The following CORIN variants were observed in gnomAD, a reference collection of about 807,000 sequenced individuals.
The protein encoded by CORIN is atrial natriuretic peptide-converting enzyme.
Under a neutral mutation model 125.3 loss-of-function variants are expected in CORIN, and 117 were observed. That is an observed-to-expected ratio of 0.93 (90% CI 0.80 to 1.09). The LOEUF is 1.09. Ranked by LOEUF, CORIN falls within the 50% of genes least tolerant of loss-of-function variation. The pLI is 0.00. For missense variants in CORIN, 1,253 were observed against 1,306.7 expected (o/e 0.96, Z 0.63); for synonymous variants, 450 against 466.4 (o/e 0.96, Z 0.45).
chr4:47,751,513 T>C (rs1024191900), intron 4 of CORIN, among the ~76,000 whole-genome samples: 1 of 152,208 alleles, frequency 6.6e-6, no homozygotes, highest in Non-Finnish European at 1.5e-5. Context: ...CTCTAATATA[T>C]GGTAGATCTG....
At chr4:47,724,967 T>C (rs1727521119) in intron 5 of CORIN, among the ~76,000 whole-genome samples, 1 of 152,168 alleles carries the variant, frequency 6.6e-6, no homozygotes, top group African/African-American at 2.4e-5. Context: ...ACTGGAACCC[T>C]AGGAACCATC....
At chr4:47,774,096 G>A (rs1258503839) in intron 3 of CORIN, among the ~76,000 whole-genome samples, 3 of 152,064 alleles carry the variant, frequency 2.0e-5, no homozygotes, top group Non-Finnish European at 2.9e-5. Flanking sequence ...TTAAAAGTGT[G>A]ATAAAACTTG....
chr4:47,691,125 C>CAGCAGA (rs1725750280), intron 6 of CORIN, among the ~76,000 whole-genome samples: 1 of 152,170 alleles, frequency 6.6e-6, no homozygotes, highest in Non-Finnish European at 1.5e-5. Context: ...TTAACAAATG[C>CAGCAGA]AGCAGAAAGC....
intron 8 of CORIN, 194 bp downstream of exon 8, chr4:47,679,947 G>A: frequency 2.3e-6 from 1 of 436,548 alleles, no homozygotes; most frequent in East Asian, 4.0e-5. Context: ...GAGAGGTGTG[G>A]AAGTCAGATA....
At chr4:47,765,911 T>A (rs1450985326) in intron 3 of CORIN, among the ~76,000 whole-genome samples, 1 of 152,208 alleles carries the variant, frequency 6.6e-6, no homozygotes, top group Non-Finnish European at 1.5e-5. Flanking sequence ...GTACTGAAAA[T>A]ATTCTAACAC....
chr4:47,639,949 A>G (rs1723173459), intron 16 of CORIN, among the ~76,000 whole-genome samples: 1 of 152,200 alleles, frequency 6.6e-6, no homozygotes, highest in Non-Finnish European at 1.5e-5. Flanking sequence ...AAAAAGTTCA[A>G]AAACTACTAG....
intron 17 of CORIN, 68 bp from the exon 18 acceptor site, chr4:47,624,016 C>A: frequency 7.5e-7 from 1 of 1,340,114 alleles, no homozygotes; most frequent in South Asian, 1.2e-5. Context: ...AAACACTTTA[C>A]CAGTGAAATA....
chr4:47,703,513 A>T lies in CORIN; in HGVS notation c.800-10430T>A, dbSNP rs141646423. 6.6e-5 allele frequency among the ~76,000 whole-genome samples: 10 copies of T among 152,398 alleles called. No homozygotes were observed. In the East Asian group the frequency reaches 1.7e-3, roughly 26 times the overall value. ...GATAGGAAAATAAAGGTAATCTTGT[A>T]GAAAAGCAGAGATTGGTATTTAAAC... On this transcript the variant is annotated intron_variant, in intron 5 of 21. Transcript: ENST00000273857.
chr4:47,735,065 A>C lies in CORIN; in HGVS notation c.799+9337T>G, dbSNP rs1479690718. ...GAAAAAATGAAAGAAAAACTACATT[A>C]GTTGTATTTATAAAGTGGCTCTATA... On this transcript the variant is annotated intron_variant, in intron 5 of 21. Transcript: ENST00000273857. 2.6e-5 allele frequency among the ~76,000 whole-genome samples: 4 copies of C among 152,382 alleles called. No individual in the cohort carries two copies. The East Asian group carries it at 7.7e-4, about 29-fold the overall frequency.
chr4:47,715,157 G>A (rs1419809529), intron 5 of CORIN, among the ~76,000 whole-genome samples: 3 of 152,102 alleles, frequency 2.0e-5, no homozygotes, highest in African/African-American at 7.2e-5. Context: ...AAAATACTAT[G>A]GAAAAGATAA....
intron 2 of CORIN, among the ~76,000 whole-genome samples, chr4:47,788,786 G>A (rs2109920776): frequency 6.6e-6 from 1 of 152,182 alleles, no homozygotes; most frequent in East Asian, 1.9e-4. Context: ...TACTTATCTT[G>A]CTGAATCTAT....
chr4:47,640,566 G>A (rs1723196734), intron 16 of CORIN, among the ~76,000 whole-genome samples: 1 of 152,198 alleles, frequency 6.6e-6, no homozygotes, highest in African/African-American at 2.4e-5. Flanking sequence ...AAAGAGTGGT[G>A]ATGGTTGCAC....
At chr4:47,820,868 A>G (rs375967196) in intron 1 of CORIN, among the ~76,000 whole-genome samples, 2 of 152,246 alleles carry the variant, frequency 1.3e-5, no homozygotes, top group South Asian at 4.1e-4. Context: ...GATTAATGCT[A>G]TAGATTGAGT....
chr4:47,809,739 G>A (rs1731979231), intron 1 of CORIN, among the ~76,000 whole-genome samples: 1 of 152,108 alleles, frequency 6.6e-6, no homozygotes. Context: ...AGGGAGAGGA[G>A]GAAGAAATAG....
At chr4:47,803,713 G>T (rs1183336436) in intron 2 of CORIN, among the ~76,000 whole-genome samples, 1 of 152,162 alleles carries the variant, frequency 6.6e-6, no homozygotes, top group East Asian at 1.9e-4. Context: ...AATCAAAATG[G>T]ATTAAAGACT....
chr4:47,676,283 C>T (rs1210742423), intron 9 of CORIN, among the ~76,000 whole-genome samples: 1 of 152,150 alleles, frequency 6.6e-6, no homozygotes, highest in Admixed American at 6.5e-5. Context: ...TCTCATGGTC[C>T]TCCTACACAT....
chr4:47,626,283 G>A, intron 17 of CORIN, 122 bp downstream of exon 17: 1 of 664,808 alleles, frequency 1.5e-6, no homozygotes, highest in African/African-American at 1.8e-5. Flanking sequence ...GTAAATCTAT[G>A]GAAACTCTTT....
chr4:47,715,876 T>C (rs1727066280), intron 5 of CORIN, among the ~76,000 whole-genome samples: 1 of 152,134 alleles, frequency 6.6e-6, no homozygotes, highest in South Asian at 2.1e-4. Context: ...AAGTATGACA[T>C]ATTGGAACGG....
At chr4:47,795,796 G>A (rs1394857334) in intron 2 of CORIN, among the ~76,000 whole-genome samples, 1 of 151,876 alleles carries the variant, frequency 6.6e-6, no homozygotes, top group African/African-American at 2.4e-5. Context: ...AACAGGCAAC[G>A]GATCTGAATA....
Sources: gnomAD v4.1 joint callset for allele counts (sites outside exome capture counted in the v4.1 genomes callset) on GRCh38, gnomAD v4.1.1 for gene constraint, MANE v1.5 for transcripts, NCBI Gene and HGNC (gene_info 2026-07-23, HGNC 2026-07-21) for gene names.